NDST4: variants seen among roughly 807,000 people sequenced by gnomAD.
NDST4 encodes N-heparan sulfate sulfotransferase 4.
NDST4 carries 63 observed loss-of-function variants against 100.8 expected under a neutral mutation model. The ratio of observed to expected loss-of-function variants is 0.62; its 90% CI spans 0.51 to 0.77. NDST4 has a LOEUF of 0.77. NDST4 is among the 30% of genes least tolerant of loss of function. The pLI is 0.00. For synonymous variants in NDST4, 377 were observed against 361.8 expected (o/e 1.04, Z -0.48); for missense variants, 943 against 1,018.4 (o/e 0.93, Z 1.01).
intron 2 of NDST4, among the ~76,000 whole-genome samples, chr4:114,977,934 T>C (rs576852691): frequency 2.6e-5 from 4 of 152,142 alleles, no homozygotes; most frequent in Admixed American, 2.6e-4. Flanking sequence ...TTTGGAATTA[T>C]ACTATGTGAA....
intron 2 of NDST4, among the ~76,000 whole-genome samples, chr4:115,020,507 T>C (rs1727786429): frequency 6.6e-6 from 1 of 152,100 alleles, no homozygotes; most frequent in Non-Finnish European, 1.5e-5. Flanking sequence ...AAGGATTTCA[T>C]GACCAAGAAC....
rs1491175169 is a variant in NDST4, at chr4:114,929,111, TCC to T, written c.1536+6093_1536+6094del. On this transcript the variant is annotated intron_variant, in intron 6 of 13. Transcript: ENST00000264363. ...ATCCATCCATCCATCCATCCATCCA[TCC>T]ATCTATCTATCTATCTATCTATCTA... Among the ~76,000 whole-genome samples, 466 of 118,200 alleles carry T rather than the reference TCC, an allele frequency of 3.9e-3. 2 individuals are homozygous for T. The highest frequency in any genetic ancestry group is 5.9e-3 in the South Asian group (24 of 4,094). 77.5% of individuals were successfully genotyped at this position (118,200 alleles called of 152,430 possible).
chr4:115,008,395 T>A lies in NDST4; in HGVS notation c.979-31121A>T, dbSNP rs1177414282. On this transcript the variant is annotated intron_variant, in intron 2 of 13. Coordinates refer to ENST00000264363, the MANE Select transcript of NDST4 (RefSeq NM_022569.3). Reference sequence around the variant, plus strand: ...AGGAGCTCTTTTAGGGCAGGCCTGGTGGTGACAAAATCACTCAGCATTTGC... The same window carrying A: ...AGGAGCTCTTTTAGGGCAGGCCTGGAGGTGACAAAATCACTCAGCATTTGC... 2.6e-4 allele frequency among the ~76,000 whole-genome samples: 34 copies of A among 128,990 alleles called. 6 individuals are homozygous for A. The highest frequency in any genetic ancestry group is 1.0e-3 in the African/African-American group (34 of 34,050). 84.6% of individuals were successfully genotyped at this position (128,990 alleles called of 152,430 possible). A position where few individuals can be genotyped will look rare whatever the true frequency, so the allele number is the denominator to read the frequency against.
At chr4:115,024,544 C>A (rs1727938147) in intron 2 of NDST4, among the ~76,000 whole-genome samples, 1 of 152,100 alleles carries the variant, frequency 6.6e-6, no homozygotes, top group Non-Finnish European at 1.5e-5. Flanking sequence ...TTGCCTGTCC[C>A]ACCATTGTAT....
intron 7 of NDST4, among the ~76,000 whole-genome samples, chr4:114,859,495 A>C (rs1308209272): frequency 2.0e-5 from 3 of 152,198 alleles, no homozygotes; most frequent in Non-Finnish European, 4.4e-5. Flanking sequence ...GCGTGTACAG[A>C]GTAGAGTGTG....
At chr4:115,031,138 T>C (rs1201569005) in intron 2 of NDST4, among the ~76,000 whole-genome samples, 1 of 152,132 alleles carries the variant, frequency 6.6e-6, no homozygotes, top group East Asian at 1.9e-4. Flanking sequence ...ATCGCCTATC[T>C]GATTTAATAC....
intron 6 of NDST4, among the ~76,000 whole-genome samples, chr4:114,932,877 T>A (rs1376053054): frequency 1.3e-5 from 2 of 152,056 alleles, no homozygotes; most frequent in Non-Finnish European, 2.9e-5. Context: ...GAATTAATAG[T>A]GTTAAAATAT....
intron 6 of NDST4, among the ~76,000 whole-genome samples, chr4:114,906,485 A>G (rs1724951330): frequency 6.6e-6 from 1 of 151,992 alleles, no homozygotes; most frequent in Non-Finnish European, 1.5e-5. Flanking sequence ...TCCATGCTGT[A>G]AACATAAAGT....
At chr4:115,022,473 G>GTGTTCCATATATATATA (rs1727876368) in intron 2 of NDST4, among the ~76,000 whole-genome samples, 1 of 63,340 alleles carries the variant, frequency 1.6e-5, no homozygotes, top group African/African-American at 7.4e-5. Context: ...CCATATATAT[G>GTGTTCCATATATATATA]TGTTCCATAT....
At chr4:114,899,172 G>GT (rs1300306188) in intron 6 of NDST4, among the ~76,000 whole-genome samples, 1 of 151,582 alleles carries the variant, frequency 6.6e-6, no homozygotes, top group Non-Finnish European at 1.5e-5. Flanking sequence ...GATTTTTATC[G>GT]TTTTTTGTTT....
At chr4:115,086,438 C>A (rs987854911) in intron 1 of NDST4, among the ~76,000 whole-genome samples, 13 of 152,126 alleles carry the variant, frequency 8.5e-5, no homozygotes, top group African/African-American at 2.9e-4. Context: ...ACCTAACTTC[C>A]ATACACTTCA....
At chr4:114,831,092 C>CCGGA (rs1723187178) in intron 12 of NDST4, among the ~76,000 whole-genome samples, 1 of 151,710 alleles carries the variant, frequency 6.6e-6, no homozygotes, top group South Asian at 2.1e-4. Flanking sequence ...GTCGCCCAGG[C>CCGGA]CGGACTGCGG....
chr4:115,081,169 T>C (rs189794176), intron 1 of NDST4, among the ~76,000 whole-genome samples: 1 of 152,238 alleles, frequency 6.6e-6, no homozygotes, highest in African/African-American at 2.4e-5. Flanking sequence ...GTGAAATTTA[T>C]TTAACAGTAA....
chr4:115,021,529 ACACGTTC>A, intron 2 of NDST4, among the ~76,000 whole-genome samples: 1 of 112,016 alleles, frequency 8.9e-6, no homozygotes, highest in Non-Finnish European at 1.8e-5. Flanking sequence ...CCATATATAC[ACACGTTC>A]CACATATACA....
At position 114,935,192 on chromosome 4, in the gene NDST4, CA is replaced by C. The variant is rs576896835; in HGVS notation, c.1536+13del. On this transcript the variant is annotated intron_variant, in intron 6 of 13. Coordinates refer to ENST00000264363, the MANE Select transcript of NDST4 (RefSeq NM_022569.3). Reference sequence around the variant, plus strand: ...TGCTAATCTTATTGTAAGGTGCATACATAGAATACATACTGGGTTTAGAAGG... The same window carrying C: ...TGCTAATCTTATTGTAAGGTGCATACTAGAATACATACTGGGTTTAGAAGG... 8.2e-4 allele frequency: 1,306 copies of C among 1,583,036 alleles called. 9 individuals are homozygous for C. The African/African-American group carries it at 0.016, about 19-fold the overall frequency.
At chr4:115,020,595 A>T (rs1364848846) in intron 2 of NDST4, among the ~76,000 whole-genome samples, 2 of 152,148 alleles carry the variant, frequency 1.3e-5, no homozygotes, top group African/African-American at 4.8e-5. Context: ...TGGCAGGAGG[A>T]ACAGTCAGCA....
chr4:114,837,362 T>C (rs1460264996), intron 11 of NDST4, among the ~76,000 whole-genome samples: 1 of 152,112 alleles, frequency 6.6e-6, no homozygotes, highest in Non-Finnish European at 1.5e-5. Flanking sequence ...AGAGCCCGTA[T>C]AGCCAAGACA....
chr4:115,058,411 A>T (rs1304835944), intron 2 of NDST4, among the ~76,000 whole-genome samples: 3 of 152,166 alleles, frequency 2.0e-5, no homozygotes, highest in Non-Finnish European at 2.9e-5. Flanking sequence ...TACTACAACA[A>T]GGGCTTTCAA....
chr4:114,892,584 A>G (rs889325197), intron 6 of NDST4, among the ~76,000 whole-genome samples: 3 of 152,054 alleles, frequency 2.0e-5, no homozygotes, highest in Non-Finnish European at 4.4e-5. Flanking sequence ...TTTCACATAC[A>G]TTGTGCCTCT....
Sources: allele counts gnomAD v4.1 joint callset (sites outside exome capture counted in the v4.1 genomes callset), GRCh38; gene constraint gnomAD v4.1.1; transcripts MANE v1.5; gene names NCBI Gene and HGNC (gene_info 2026-07-23, HGNC 2026-07-21).